The following MKLN1 variants were observed in gnomAD, a reference collection of about 807,000 sequenced individuals.
The protein encoded by MKLN1 is muskelin 1.
Under a neutral mutation model 99.0 loss-of-function variants are expected in MKLN1, and 18 were observed. The ratio of observed to expected loss-of-function variants is 0.18; its 90% CI spans 0.13 to 0.27. MKLN1 has a LOEUF of 0.27. MKLN1 is among the 10% of genes least tolerant of loss of function. MKLN1 has a pLI of 1.00. For missense variants in MKLN1, 621 were observed against 875.9 expected, an observed-to-expected ratio of 0.71 and a Z score of 3.67; for synonymous variants, 288 against 293.2, an observed-to-expected ratio of 0.98 and a Z score of 0.18.
intron 3 of MKLN1, among the ~76,000 whole-genome samples, chr7:131,207,718 C>T (rs1796839998): frequency 1.3e-5 from 2 of 152,046 alleles, no homozygotes; most frequent in South Asian, 2.1e-4. Flanking sequence ...AGCCTGGGCC[C>T]ACAGAGGGTC....
intron 2 of MKLN1, among the ~76,000 whole-genome samples, chr7:131,200,670 T>C (rs1796713726): frequency 6.6e-6 from 1 of 152,214 alleles, no homozygotes; most frequent in Non-Finnish European, 1.5e-5. Flanking sequence ...AAAGTACAGA[T>C]TTTCCATGCA....
In MKLN1 at chr7:131,464,455, G is replaced by A. The variant is rs776622212; in HGVS notation, c.1788+47G>A. On this transcript the variant is annotated intron_variant, in intron 14 of 17. Coordinates refer to ENST00000352689, the MANE Select transcript of MKLN1 (RefSeq NM_013255.5). Reference sequence around the variant, plus strand: ...GTAAACTTTCCATGGCCTACTATCTGAAACAATCCCCAAATATATCTTTGA... The same window carrying A: ...GTAAACTTTCCATGGCCTACTATCTAAAACAATCCCCAAATATATCTTTGA... 1.9e-5 allele frequency: 20 copies of A among 1,065,880 alleles called. No individual in the cohort carries two copies. The South Asian group carries it at 2.8e-4, about 15-fold the overall frequency. 66.0% of individuals were successfully genotyped at this position (1,065,880 alleles called of 1,614,324 possible). A position where few individuals can be genotyped will look rare whatever the true frequency, so the allele number is the denominator to read the frequency against.
Position 131,267,462 on chromosome 7 carries a change from A to G in MKLN1, c.-179+64488A>G, listed in dbSNP as rs180844575. 3.9e-5 allele frequency among the ~76,000 whole-genome samples: 6 copies of G among 152,332 alleles called. No individual in the cohort carries two copies. The East Asian group carries it at 1.2e-3, about 29-fold the overall frequency. On this transcript the variant is annotated intron_variant, in intron 3 of 7. Transcript: ENST00000416992. Reference sequence around the variant, plus strand: ...CTCTCTCTGTAAACACCCCCAGGATAGGAAGATAAGGTTGTTGCCCTTCCA... The same window carrying G: ...CTCTCTCTGTAAACACCCCCAGGATGGGAAGATAAGGTTGTTGCCCTTCCA...
chr7:131,173,905 A>G (rs892144911), intron 2 of MKLN1, among the ~76,000 whole-genome samples: 2 of 152,052 alleles, frequency 1.3e-5, no homozygotes, highest in Admixed American at 6.6e-5. Context: ...AACCAGAAGT[A>G]CTGACAAATT....
intron 1 of MKLN1, among the ~76,000 whole-genome samples, chr7:131,330,905 CTTTTA>C (rs2116693504): frequency 6.6e-6 from 1 of 151,974 alleles, no homozygotes; most frequent in Non-Finnish European, 1.5e-5. Flanking sequence ...AAAAAAAGGC[CTTTTA>C]TTTTTGTGTG....
At chr7:131,189,439 A>C (rs1322364881) in intron 2 of MKLN1, among the ~76,000 whole-genome samples, 2 of 152,116 alleles carry the variant, frequency 1.3e-5, no homozygotes, top group African/African-American at 2.4e-5. Flanking sequence ...TCCTGGTATG[A>C]TATGGCTGTC....
intron 1 of MKLN1, among the ~76,000 whole-genome samples, chr7:131,359,518 G>A (rs1234374466): frequency 6.6e-6 from 1 of 152,102 alleles, no homozygotes; most frequent in Admixed American, 6.5e-5. Flanking sequence ...GATTGATGAT[G>A]CTCTTCAGTT....
At chr7:131,298,182 A>C (rs1232979428) in intron 3 of MKLN1, among the ~76,000 whole-genome samples, 7 of 152,096 alleles carry the variant, frequency 4.6e-5, no homozygotes, top group Non-Finnish European at 8.8e-5. Context: ...GAGGCAGAAG[A>C]ATGGCGTGAA....
intron 16 of MKLN1, chr7:131,472,174 A>T (rs1468675560): frequency 6.6e-6 from 1 of 152,254 alleles, no homozygotes; most frequent in Non-Finnish European, 1.5e-5. Context: ...GAGTCCATTA[A>T]TGTTAATTTT....
At chr7:131,197,797 A>G (rs538819752) in intron 2 of MKLN1, among the ~76,000 whole-genome samples, 72 of 152,112 alleles carry the variant, frequency 4.7e-4, no homozygotes, top group Non-Finnish European at 8.4e-4. Flanking sequence ...AAAAAAAAGT[A>G]TGAGTGATTT....
At chr7:131,436,455 A>G (rs1386401736) in intron 9 of MKLN1, among the ~76,000 whole-genome samples, 1 of 152,208 alleles carries the variant, frequency 6.6e-6, no homozygotes, top group Non-Finnish European at 1.5e-5. Flanking sequence ...CTGTATTAAC[A>G]AGTATATTTT....
intron 3 of MKLN1, among the ~76,000 whole-genome samples, chr7:131,300,711 G>GA (rs1253278649): frequency 9.3e-5 from 5 of 53,490 alleles, no homozygotes; most frequent in South Asian, 5.6e-4. Context: ...CAACCAAAAA[G>GA]AAAAAAAAAG....
chr7:131,271,825 C>T (rs1270020221), intron 3 of MKLN1, among the ~76,000 whole-genome samples: 1 of 151,770 alleles, frequency 6.6e-6, no homozygotes, highest in Non-Finnish European at 1.5e-5. Context: ...AGGAGAATCA[C>T]TTGAACCCAG....
chr7:131,445,222 A>ATT (rs200888105), intron 11 of MKLN1, among the ~76,000 whole-genome samples: 11 of 149,630 alleles, frequency 7.4e-5, no homozygotes, highest in African/African-American at 2.7e-4. Flanking sequence ...CAAATTTTAG[A>ATT]TTTTTTTTTT....
At chr7:131,189,535 C>CAA (rs58453306) in intron 2 of MKLN1, among the ~76,000 whole-genome samples, 174 of 129,870 alleles carry the variant, frequency 1.3e-3, no homozygotes, top group Non-Finnish European at 1.9e-3. Flanking sequence ...AAAAAACAAA[C>CAA]AAAAAAAAAA....
At chr7:131,415,965 C>T (rs1333299969) in intron 8 of MKLN1, among the ~76,000 whole-genome samples, 2 of 152,078 alleles carry the variant, frequency 1.3e-5, no homozygotes, top group Non-Finnish European at 2.9e-5. Flanking sequence ...CCCTGCCCAA[C>T]CTTTTTTTAA....
At chr7:131,298,973 T>G (rs1489360242) in intron 3 of MKLN1, among the ~76,000 whole-genome samples, 1 of 152,114 alleles carries the variant, frequency 6.6e-6, no homozygotes, top group African/African-American at 2.4e-5. Context: ...ATGCCAGGAG[T>G]TTGAGACCAG....
intron 1 of MKLN1, among the ~76,000 whole-genome samples, chr7:131,116,984 C>T (rs1055848885): frequency 3.3e-5 from 5 of 151,982 alleles, no homozygotes; most frequent in African/African-American, 1.2e-4. Context: ...AAGCCTTTAC[C>T]CTGGCAATTC....
At chr7:131,196,480 T>A (rs1202443790) in intron 2 of MKLN1, among the ~76,000 whole-genome samples, 1 of 152,160 alleles carries the variant, frequency 6.6e-6, no homozygotes, top group Admixed American at 6.5e-5. Context: ...TTATTTATTA[T>A]ACAAAAAAGT....
Sources: allele counts gnomAD v4.1 joint callset (sites outside exome capture counted in the v4.1 genomes callset), GRCh38; gene constraint gnomAD v4.1.1; transcripts MANE v1.5; gene names NCBI Gene and HGNC (gene_info 2026-07-23, HGNC 2026-07-21).